Variants in UBR3 observed in about 807,000 individuals in gnomAD.
The protein encoded by UBR3 is E3 ubiquitin-protein ligase UBR3.
Under a neutral mutation model 243.2 loss-of-function variants are expected in UBR3, and 85 were observed. The observed-to-expected ratio is 0.35, with a 90% CI of 0.29 to 0.42. The LOEUF is 0.42. Among genes scored for constraint, UBR3 ranks in the 10% least tolerant of loss-of-function variants. The probability of loss-of-function intolerance (pLI) is 1.00; values close to 1 mark genes in which losing one functional copy is unlikely to be tolerated. For synonymous variants in UBR3, 748 were observed against 799.8 expected (o/e 0.94, Z 1.09); for missense variants, 1,686 against 2,300.8 (o/e 0.73, Z 5.47).
At chr2:169,960,381 T>C (rs2087515174) in intron 24 of UBR3, among the ~76,000 whole-genome samples, 1 of 152,002 alleles carries the variant, frequency 6.6e-6, no homozygotes, top group African/African-American at 2.4e-5. Flanking sequence ...TTCTGAAATC[T>C]GAAAAAAACT....
chr2:170,033,723 T>C (rs1195792008), intron 31 of UBR3, among the ~76,000 whole-genome samples: 1 of 151,504 alleles, frequency 6.6e-6, no homozygotes, highest in Non-Finnish European at 1.5e-5. Context: ...GTTCCTCACC[T>C]CAACACTCTT....
At chr2:169,874,454 C>T (rs2083534033) in intron 2 of UBR3, among the ~76,000 whole-genome samples, 1 of 152,082 alleles carries the variant, frequency 6.6e-6, no homozygotes, top group African/African-American at 2.4e-5. Context: ...CAGGTGTGAG[C>T]CATTGTGCCC....
At chr2:170,035,833 A>T (rs1321891941) in intron 31 of UBR3, among the ~76,000 whole-genome samples, 1 of 140,950 alleles carries the variant, frequency 7.1e-6, no homozygotes, top group Non-Finnish European at 1.5e-5. Context: ...GTTTGATTCC[A>T]TTTATCAGAG....
At position 170,083,358 on chromosome 2, in the gene UBR3, G is replaced by C. The variant is rs1245028627; in HGVS notation, c.*1515G>C. 1 of 152,538 alleles carries C rather than the reference G, an allele frequency of 6.6e-6. No homozygotes were observed. Among genetic ancestry groups the C allele is most frequent in the African/African-American group, 2.4e-5 (1 of 41,426 alleles). The allele number at this position is 152,538 out of a possible 1,614,324, so 9.4% of individuals were successfully genotyped here. A position where few individuals can be genotyped will look rare whatever the true frequency, so the allele number is the denominator to read the frequency against. On this transcript the variant is annotated 3_prime_UTR_variant, in exon 39 of 39. Coordinates refer to ENST00000272793, the MANE Select transcript of UBR3 (RefSeq NM_172070.4). The stretch of plus-strand genomic sequence containing the variant: ...TTCTACAATAAAATACATGGAAATA[G>C]CTTGCTATTTTTATATACATTTCCA...
At chr2:170,052,713 A>G (rs2091246476) in intron 32 of UBR3, among the ~76,000 whole-genome samples, 1 of 152,174 alleles carries the variant, frequency 6.6e-6, no homozygotes, top group African/African-American at 2.4e-5. Context: ...ATGTTGGTCA[A>G]CGGGTGTGTA....
At chr2:169,906,203 A>G in intron 10 of UBR3, 39 bp downstream of exon 10, 1 of 1,513,276 alleles carries the variant, frequency 6.6e-7, no homozygotes, top group East Asian at 2.5e-5. Flanking sequence ...TGTGTTTAAG[A>G]AAAAGACTTG....
chr2:170,060,819 GATTTACATATGTTT>G (rs1208080356), intron 33 of UBR3, among the ~76,000 whole-genome samples: 4 of 151,936 alleles, frequency 2.6e-5, no homozygotes, highest in Non-Finnish European at 4.4e-5. Flanking sequence ...CAAAAAACAT[GATTTACATATGTTT>G]ATTTACATAT....
At chr2:169,830,199 C>A (rs1368880265) in intron 1 of UBR3, among the ~76,000 whole-genome samples, 1 of 151,818 alleles carries the variant, frequency 6.6e-6, no homozygotes, top group Non-Finnish European at 1.5e-5. Context: ...ATTTGGCTTT[C>A]CAGTATAAAA....
rs2084311376 is a variant in UBR3 at position 169,890,555 on chromosome 2, A to ATATATATGTGTGTGTATATATATATG, written c.1039-603_1039-602insGTGTGTGTATATATATATGTATATAT. 9.8e-5 allele frequency among the ~76,000 whole-genome samples: 7 copies of ATATATATGTGTGTGTATATATATATG among 71,442 alleles called. No individual in the cohort carries two copies. In the Admixed American group the frequency reaches 1.0e-3, roughly 11 times the overall value. The allele number at this position is 71,442 out of a possible 152,430, so 46.9% of individuals were successfully genotyped here. Reference sequence around the variant, plus strand: ...GAGAGAGAGAGATATATATATATATATATATATATGTGTATATATATATAT... The same window carrying ATATATATGTGTGTGTATATATATATG: ...GAGAGAGAGAGATATATATATATATATATATATGTGTGTGTATATATATATGTATATATATGTGTATATATATATAT... On this transcript the variant is annotated intron_variant, in intron 5 of 38. Coordinates refer to ENST00000272793, the MANE Select transcript of UBR3 (RefSeq NM_172070.4).
intron 8 of UBR3, among the ~76,000 whole-genome samples, chr2:169,902,314 C>T (rs756625585): frequency 6.6e-6 from 1 of 152,188 alleles, no homozygotes. Flanking sequence ...TTGTCACTCT[C>T]CTTCAGTCAC....
At chr2:169,844,308 A>T (rs1207816990) in intron 1 of UBR3, among the ~76,000 whole-genome samples, 1 of 151,314 alleles carries the variant, frequency 6.6e-6, no homozygotes, top group Non-Finnish European at 1.5e-5. Flanking sequence ...CTCATATTCG[A>T]TTTCTTTAGT....
At chr2:170,080,126 T>G (rs1380349384) in intron 37 of UBR3, 103 bp downstream of exon 37, 1 of 1,022,672 alleles carries the variant, frequency 9.8e-7, no homozygotes. Context: ...GAATTAAGTA[T>G]ATAATACATA....
At chr2:169,923,304 T>G (rs1162367856) in intron 11 of UBR3, among the ~76,000 whole-genome samples, 1 of 152,194 alleles carries the variant, frequency 6.6e-6, no homozygotes, top group African/African-American at 2.4e-5. Flanking sequence ...GGTCAGAGTC[T>G]TCTTACAGTT....
intron 1 of UBR3, among the ~76,000 whole-genome samples, chr2:169,834,532 A>G (rs2082026071): frequency 6.6e-6 from 1 of 152,188 alleles, no homozygotes; most frequent in Admixed American, 6.5e-5. Flanking sequence ...GTATGAAACA[A>G]TTTGTTTCCC....
intron 1 of UBR3, among the ~76,000 whole-genome samples, chr2:169,856,517 C>T (rs1188556732): frequency 3.3e-5 from 5 of 152,226 alleles, no homozygotes; most frequent in African/African-American, 1.2e-4. Flanking sequence ...GCCGAGATCA[C>T]GCCACTGCAC....
chr2:169,899,165 A>T (rs1170242759), intron 8 of UBR3, among the ~76,000 whole-genome samples: 1 of 151,382 alleles, frequency 6.6e-6, no homozygotes, highest in East Asian at 1.9e-4. Flanking sequence ...TTTTTAGTAG[A>T]GACAGGGTTT....
intron 23 of UBR3, among the ~76,000 whole-genome samples, chr2:169,956,783 C>A (rs1028008856): frequency 6.6e-6 from 1 of 152,174 alleles, no homozygotes; most frequent in Non-Finnish European, 1.5e-5. Flanking sequence ...TACTGTATTT[C>A]ATTCTTCTGA....
intron 1 of UBR3, among the ~76,000 whole-genome samples, chr2:169,860,902 A>G (rs895235654): frequency 6.6e-6 from 1 of 152,194 alleles, no homozygotes; most frequent in African/African-American, 2.4e-5. Context: ...AGAAGCCGAC[A>G]CTGCAGCACT....
intron 30 of UBR3, among the ~76,000 whole-genome samples, chr2:170,024,195 A>T (rs566943855): frequency 6.6e-6 from 1 of 152,108 alleles, no homozygotes; most frequent in South Asian, 2.1e-4. Flanking sequence ...TCTACTAAAA[A>T]TACAAAAAAT....
Sources: allele counts gnomAD v4.1 joint callset (sites outside exome capture counted in the v4.1 genomes callset), GRCh38; gene constraint gnomAD v4.1.1; transcripts MANE v1.5; gene names NCBI Gene and HGNC (gene_info 2026-07-23, HGNC 2026-07-21).